Variants in ARHGAP27 observed in about 807,000 individuals in gnomAD.
The protein encoded by ARHGAP27 is Rho GTPase activating protein 27.
Under a neutral mutation model 102.0 loss-of-function variants are expected in ARHGAP27, and 53 were observed. The observed-to-expected ratio is 0.52, with a 90% CI of 0.42 to 0.65. ARHGAP27 has a LOEUF of 0.65. Among genes scored for constraint, ARHGAP27 ranks in the 30% least tolerant of loss-of-function variants. ARHGAP27 has a pLI of 0.00. For missense variants in ARHGAP27, 1,117 were observed against 1,256.2 expected (o/e 0.89, Z 1.68); for synonymous variants, 525 against 542.8 (o/e 0.97, Z 0.46).
chr17:45,410,261 T>TG, intron 4 of ARHGAP27: 1 of 1,533,366 alleles, frequency 6.5e-7, no homozygotes, highest in African/African-American at 1.4e-5. Context: ...CTCTGCCTCC[T>TG]GGTCACTTTG....
chr17:45,410,667 G>T (rs1335237868), intron 4 of ARHGAP27, among the ~76,000 whole-genome samples: 4 of 152,094 alleles, frequency 2.6e-5, no homozygotes, highest in African/African-American at 7.2e-5. Context: ...CTGAGCCTGT[G>T]GGGGAGGGGC....
At chr17:45,428,960 A>G (rs2049839932) in intron 4 of ARHGAP27, among the ~76,000 whole-genome samples, 1 of 152,236 alleles carries the variant, frequency 6.6e-6, no homozygotes, top group Admixed American at 6.5e-5. Context: ...AGAGGGGGAA[A>G]AAAACAACCT....
intron 4 of ARHGAP27, among the ~76,000 whole-genome samples, chr17:45,411,017 G>A (rs756905123): frequency 1.3e-4 from 19 of 151,996 alleles, no homozygotes; most frequent in African/African-American, 4.3e-4. Flanking sequence ...GCCCTCCCAC[G>A]CCTGCATGCC....
At chr17:45,404,566 C>G (rs374155170) in intron 7 of ARHGAP27, 35 bp downstream of exon 7, 7 of 1,613,762 alleles carry the variant, frequency 4.3e-6, no homozygotes, top group South Asian at 3.3e-5. Flanking sequence ...ATCTCTTCCT[C>G]TCTCCCCAAC....
chr17:45,424,616 G>T (rs893617315), intron 4 of ARHGAP27, among the ~76,000 whole-genome samples: 2 of 148,220 alleles, frequency 1.3e-5, no homozygotes, highest in African/African-American at 4.9e-5. Flanking sequence ...AAGCTATGAG[G>T]ATGCAAAGGC....
Position 45,410,309 on chromosome 17 carries a change from G to A in ARHGAP27, c.658-4226C>T, listed in dbSNP as rs1015691076. ...ACCATCCTGGCCCCTCTGAACTGCC[G>A]GGACAGAGCCCTGGGAAGGTTTTGG... On this transcript the variant is annotated intron_variant, in intron 4 of 19. Transcript: ENST00000685559. 5.8e-5 allele frequency: 87 copies of A among 1,512,380 alleles called. No individual in the cohort carries two copies. In the African/African-American group the frequency reaches 8.2e-4, roughly 14 times the overall value. 93.7% of individuals were successfully genotyped at this position (1,512,380 alleles called of 1,614,324 possible). A position where few individuals can be genotyped will look rare whatever the true frequency, so the allele number is the denominator to read the frequency against.
At chr17:45,416,686 C>T (rs1428134592) in intron 4 of ARHGAP27, among the ~76,000 whole-genome samples, 1 of 150,892 alleles carries the variant, frequency 6.6e-6, no homozygotes, top group Non-Finnish European at 1.5e-5. Flanking sequence ...TAGCTGGGAT[C>T]ACAGGCGCCC....
At position 45,396,263 on chromosome 17, in the gene ARHGAP27, T is replaced by C. The variant is rs1265913677; in HGVS notation, c.2195A>G (p.Tyr732Cys). ...EARGLDIDGL[Y>C]RISGNLATIQ... ...GGTGGCCAGGTTTCCACTGATGCGG[T>C]ACAGCCCGTCGATGTCCAGCCCTGG... Residue 732 changes from tyrosine (Y) to cysteine (C), a missense_variant, in exon 17 of 20, where the codon TAC (tyrosine) becomes TGC (cysteine). By Grantham distance (194) the Tyr-to-Cys change is radical. Transcript: ENST00000685559. 1 of 1,613,052 alleles carries C rather than the reference T, an allele frequency of 6.2e-7. No individual in the cohort carries two copies. Among genetic ancestry groups the C allele is most frequent in the Non-Finnish European group, 8.5e-7 (1 of 1,179,628 alleles).
intron 4 of ARHGAP27, chr17:45,429,319 G>C (rs768472536): frequency 4.3e-5 from 41 of 943,410 alleles, no homozygotes; most frequent in Middle Eastern, 3.3e-4. Context: ...ATTCACACAA[G>C]TGCGATAAAT....
Position 45,430,895 on chromosome 17 carries a change from T to A in ARHGAP27, c.-18-598A>T, listed in dbSNP as rs2145104346. The stretch of plus-strand genomic sequence containing the variant: ...TACCTGGGGGCTGTCGCTGCCCCCC[T>A]TAGTCCGAGGGCCTTGCTGTAGAGG... On this transcript the variant is annotated intron_variant, in intron 3 of 19. Transcript: ENST00000685559. This position sits in a 1 kb window ranked among gnomAD's most constrained non-coding sequence, Gnocchi z 4.4. Among the ~76,000 whole-genome samples, 1 of 152,206 alleles carries A rather than the reference T, an allele frequency of 6.6e-6. No individual in the cohort carries two copies. Among genetic ancestry groups the A allele is most frequent in the Non-Finnish European group, 1.5e-5 (1 of 67,996 alleles).
rs1333738828 is a variant in ARHGAP27, at chr17:45,430,174, G to C, written c.106C>G (p.Arg36Gly). Residue 36 changes from arginine (R) to glycine (G), a missense_variant, in exon 4 of 20, where the codon CGG becomes GGG. Arg to Gly is a moderately radical substitution (Grantham distance 125, BLOSUM62 -2). Coordinates refer to ENST00000685559, the MANE Select transcript of ARHGAP27 (RefSeq NM_001282290.2). The surrounding 1 kb of genome is among the most constrained non-coding windows in gnomAD (Gnocchi z 4.4). ...TGCTCGGTGCTGCGCCGCAGCAGCC[G>C]GTAGCGCTCATTCGGCCGGATGGCC... ...RVAIRPNERYRLLRRSTEHWW... is the reference protein window; with the variant it reads ...RVAIRPNERYGLLRRSTEHWW... 1.3e-6 allele frequency: 2 copies of C among 1,540,696 alleles called. No homozygotes were observed. The highest frequency in any genetic ancestry group is 1.7e-6 in the Non-Finnish European group (2 of 1,150,186).
chr17:45,430,741 C>T lies in ARHGAP27; in HGVS notation c.-18-444G>A, dbSNP rs893448229. Among the ~76,000 whole-genome samples the T allele has an allele frequency of 1.3e-5, 2 of 152,182 alleles. No homozygotes were observed. The highest frequency in any genetic ancestry group is 2.9e-5 in the Non-Finnish European group (2 of 68,024). On this transcript the variant is annotated intron_variant, in intron 3 of 19. Transcript: ENST00000685559. This position sits in a 1 kb window ranked among gnomAD's most constrained non-coding sequence, Gnocchi z 4.4. ...ACTGCCGCTCCCCGGCTCTGTCCCG[C>T]CTGGAAGCCTCCCGCCCGCAGAGAA...
intron 4 of ARHGAP27, among the ~76,000 whole-genome samples, chr17:45,420,632 G>A (rs563181548): frequency 1.6e-4 from 25 of 152,196 alleles, no homozygotes; most frequent in African/African-American, 5.5e-4. Flanking sequence ...AACTCTTAAG[G>A]AGACTCAAAT....
At chr17:45,428,587 T>C (rs1489439852) in intron 4 of ARHGAP27, among the ~76,000 whole-genome samples, 4 of 152,216 alleles carry the variant, frequency 2.6e-5, no homozygotes, top group Non-Finnish European at 5.9e-5. Flanking sequence ...CTCCTTCGTC[T>C]GGGCATCCCG....
intron 12 of ARHGAP27, 23 bp from the exon 13 acceptor site, chr17:45,398,070 G>A: frequency 6.3e-7 from 1 of 1,582,106 alleles, no homozygotes; most frequent in Non-Finnish European, 8.6e-7. Flanking sequence ...AAGTCAGTGG[G>A]TCATCTCTGG....
In ARHGAP27 at chr17:45,395,976, T is replaced by A; in HGVS notation, c.2386+7A>T. ...CCCCATCCGCCCCACCTGCCCCAGGTGCTCACTGATGGCCGCAATGAACTG... is the reference window on the plus strand; with the variant it reads ...CCCCATCCGCCCCACCTGCCCCAGGAGCTCACTGATGGCCGCAATGAACTG... On this transcript the variant is annotated splice_region_variant and intron_variant, in intron 18 of 19. Transcript: ENST00000685559. The A allele has an allele frequency of 6.2e-7, 1 of 1,606,080 alleles. No individual in the cohort carries two copies. Among genetic ancestry groups the A allele is most frequent in the Non-Finnish European group, 8.5e-7 (1 of 1,175,480 alleles).
rs549310540 is a variant in ARHGAP27 at position 45,405,223 on chromosome 17, G to A, written c.1066-117C>T. ...CTGGTCCCTGAGGCTGTGGGAGCAG[G>A]AGGCGGGGTCAGAAGCGCTCAGAGG... On this transcript the variant is annotated intron_variant, in intron 5 of 19. Coordinates refer to ENST00000685559, the MANE Select transcript of ARHGAP27 (RefSeq NM_001282290.2). The A allele has an allele frequency of 1.2e-4, 140 of 1,185,412 alleles. 1 individual carries two copies. In the African/African-American group the frequency reaches 1.7e-3, roughly 14 times the overall value. 73.4% of individuals were successfully genotyped at this position (1,185,412 alleles called of 1,614,324 possible).
chr17:45,429,228 T>C (rs2049862489), intron 4 of ARHGAP27: 4 of 447,482 alleles, frequency 8.9e-6, no homozygotes, highest in Non-Finnish European at 1.2e-5. Context: ...ACACCTGCAG[T>C]AGGTTATATA....
At chr17:45,415,674 C>G (rs2048381050) in intron 4 of ARHGAP27, among the ~76,000 whole-genome samples, 1 of 152,200 alleles carries the variant, frequency 6.6e-6, no homozygotes, top group African/African-American at 2.4e-5. Flanking sequence ...TTGATCCGAC[C>G]AGCCTAAGCC....
Sources: allele counts gnomAD v4.1 joint callset (sites outside exome capture counted in the v4.1 genomes callset), GRCh38; gene constraint gnomAD v4.1.1; non-coding constraint Gnocchi (gnomAD v3.1); transcripts MANE v1.5; gene names NCBI Gene and HGNC (gene_info 2026-07-23, HGNC 2026-07-21).